AOPEP: variants seen among roughly 807,000 people sequenced by gnomAD.
AOPEP encodes aminopeptidase O.
AOPEP carries 77 observed loss-of-function variants against 98.1 expected under a neutral mutation model. That is an observed-to-expected ratio of 0.78 (90% CI 0.65 to 0.95). AOPEP has a LOEUF of 0.95. Among genes scored for constraint, AOPEP ranks in the 40% least tolerant of loss-of-function variants. The pLI is 0.00. For missense variants in AOPEP, 1,024 were observed against 1,024.7 expected (o/e 1.00, Z 0.01); for synonymous variants, 346 against 365.3 (o/e 0.95, Z 0.60).
At chr9:94,901,632 A>G (rs1435801689) in intron 5 of AOPEP, among the ~76,000 whole-genome samples, 1 of 152,126 alleles carries the variant, frequency 6.6e-6, no homozygotes, top group Non-Finnish European at 1.5e-5. Flanking sequence ...GTGTATAATA[A>G]CTTTTCACGT....
intron 6 of AOPEP, among the ~76,000 whole-genome samples, chr9:94,926,429 C>G (rs1342426245): frequency 8.5e-5 from 13 of 152,206 alleles, no homozygotes; most frequent in Admixed American, 7.9e-4. Flanking sequence ...GCCCCCTCAT[C>G]ATCCTTGGAG....
intron 13 of AOPEP, among the ~76,000 whole-genome samples, chr9:95,050,134 C>T (rs574292422): frequency 6.6e-6 from 1 of 152,194 alleles, no homozygotes; most frequent in Non-Finnish European, 1.5e-5. Flanking sequence ...TGGGCAGTAT[C>T]TAAATTAATG....
chr9:94,763,208 C>A, intron 2 of AOPEP: 1 of 375,878 alleles, frequency 2.7e-6, no homozygotes, highest in Non-Finnish European at 5.5e-6. Flanking sequence ...TGAATTTGAT[C>A]TTCACGTCAC....
chr9:94,802,992 C>T (rs1036371604), intron 5 of AOPEP, among the ~76,000 whole-genome samples: 1 of 152,130 alleles, frequency 6.6e-6, no homozygotes, highest in African/African-American at 2.4e-5. Context: ...GGGTTTATGA[C>T]TCAGCTGGCT....
intron 5 of AOPEP, among the ~76,000 whole-genome samples, chr9:94,856,182 G>A (rs185157408): frequency 6.6e-6 from 1 of 152,170 alleles, no homozygotes; most frequent in South Asian, 2.1e-4. Context: ...GCATGCACAC[G>A]TCCACACCTG....
intron 14 of AOPEP, among the ~76,000 whole-genome samples, chr9:95,076,334 C>A (rs1487552931): frequency 6.6e-6 from 1 of 152,108 alleles, no homozygotes; most frequent in Non-Finnish European, 1.5e-5. Flanking sequence ...CACCCCACAT[C>A]TAGGAAGTTG....
At chr9:95,132,082 G>A in the AOPEP span, among the ~76,000 whole-genome samples, 6 of 152,162 alleles carry the variant, frequency 3.9e-5, no homozygotes, top group Non-Finnish European at 8.8e-5. Context: ...CCTCCTGGGC[G>A]CCTCCTCTGC....
intron 1 of AOPEP, among the ~76,000 whole-genome samples, chr9:94,735,882 A>G (rs1373056317): frequency 1.3e-5 from 2 of 152,144 alleles, no homozygotes; most frequent in Admixed American, 6.5e-5. Flanking sequence ...GGATTTGCCT[A>G]TTCTGGACAT....
intron 5 of AOPEP, among the ~76,000 whole-genome samples, chr9:94,821,923 G>C (rs981758868): frequency 6.6e-6 from 1 of 150,846 alleles, no homozygotes; most frequent in Non-Finnish European, 1.5e-5. Flanking sequence ...CATTTTAGTG[G>C]ATACAAAATT....
At chr9:94,968,375 A>G (rs938152529) in intron 10 of AOPEP, among the ~76,000 whole-genome samples, 2 of 152,070 alleles carry the variant, frequency 1.3e-5, no homozygotes, top group African/African-American at 4.8e-5. Flanking sequence ...CAGCCTCCCA[A>G]GTAGCTGGGA....
At chr9:94,915,251 A>G (rs945151262) in intron 5 of AOPEP, among the ~76,000 whole-genome samples, 4 of 152,194 alleles carry the variant, frequency 2.6e-5, no homozygotes, top group African/African-American at 9.7e-5. Flanking sequence ...CCTGGGAGAA[A>G]ATAAACAATA....
intron 5 of AOPEP, among the ~76,000 whole-genome samples, chr9:94,885,577 C>T (rs1464409678): frequency 6.6e-6 from 1 of 151,916 alleles, no homozygotes; most frequent in Non-Finnish European, 1.5e-5. Context: ...CTCACATGGC[C>T]ACAGCTAACT....
At position 95,043,947 on chromosome 9, in the gene AOPEP, A is replaced by G. The variant is rs2065591821; in HGVS notation, c.2116-16747A>G. ...ACATAGTTGTAACCGCTGTGTACAT[A>G]TGGTGTATTAAGTGGCTTGACCTTC... On this transcript the variant is annotated intron_variant, in intron 13 of 16. Transcript: ENST00000375315. 2.6e-5 allele frequency among the ~76,000 whole-genome samples: 4 copies of G among 152,194 alleles called. No homozygotes were observed. In the South Asian group the frequency reaches 6.2e-4, roughly 24 times the overall value.
At chr9:95,109,436 C>G in the AOPEP span, among the ~76,000 whole-genome samples, 2 of 152,142 alleles carry the variant, frequency 1.3e-5, no homozygotes, top group Non-Finnish European at 2.9e-5. Flanking sequence ...GGGTATGAAC[C>G]CTTGCCTGAT....
At chr9:94,938,697 C>T (rs750132195) in intron 7 of AOPEP, among the ~76,000 whole-genome samples, 2 of 152,130 alleles carry the variant, frequency 1.3e-5, no homozygotes, top group Non-Finnish European at 2.9e-5. Flanking sequence ...TGGAGCTCCT[C>T]GGATGCCAAA....
chr9:94,890,679 ATTCAG>A (rs758702029), intron 5 of AOPEP, among the ~76,000 whole-genome samples: 4 of 151,900 alleles, frequency 2.6e-5, no homozygotes, highest in Non-Finnish European at 5.9e-5. Flanking sequence ...TGGTTTTTTC[ATTCAG>A]TTCTGTGTAT....
the AOPEP span, chr9:95,107,257 C>T: frequency 6.2e-7 from 1 of 1,613,862 alleles, no homozygotes. Flanking sequence ...CCCAGCACGG[C>T]CTTCACCTGG....
chr9:94,829,927 G>C (rs1286693012), intron 5 of AOPEP, among the ~76,000 whole-genome samples: 3 of 152,198 alleles, frequency 2.0e-5, no homozygotes, highest in Non-Finnish European at 4.4e-5. Flanking sequence ...ACCTATCTCT[G>C]TGCTTTGCCT....
At chr9:94,941,728 G>A (rs2057030357) in intron 7 of AOPEP, among the ~76,000 whole-genome samples, 1 of 152,056 alleles carries the variant, frequency 6.6e-6, no homozygotes, top group Non-Finnish European at 1.5e-5. Flanking sequence ...CAGCACTCAG[G>A]TCTTTCTAAG....
Sources: allele counts gnomAD v4.1 joint callset (sites outside exome capture counted in the v4.1 genomes callset), GRCh38; gene constraint gnomAD v4.1.1; transcripts MANE v1.5; gene names NCBI Gene and HGNC (gene_info 2026-07-23, HGNC 2026-07-21).